Variants in THADA observed in about 807,000 individuals in gnomAD.
THADA encodes the protein tRNA (32-2'-O)-methyltransferase regulator THADA.
Under a neutral mutation model 219.8 loss-of-function variants are expected in THADA, and 213 were observed. The observed-to-expected ratio is 0.97, with a 90% CI of 0.87 to 1.09. THADA has a LOEUF of 1.09. Among genes scored for constraint, THADA ranks in the 50% least tolerant of loss-of-function variants. The probability of loss-of-function intolerance (pLI) is 0.00; values close to 1 mark genes in which losing one functional copy is unlikely to be tolerated. For missense variants in THADA, 2,956 were observed against 2,311.3 expected (o/e 1.28, Z -5.72); for synonymous variants, 1,018 against 828.9 (o/e 1.23, Z -3.92).
At chr2:43,251,098 A>C (rs1022656487) in intron 36 of THADA, among the ~76,000 whole-genome samples, 1 of 152,200 alleles carries the variant, frequency 6.6e-6, no homozygotes, top group Non-Finnish European at 1.5e-5. Context: ...CACAGCCACC[A>C]AGAAGGGAAC....
chr2:43,384,720 C>G (rs904257003), intron 29 of THADA, among the ~76,000 whole-genome samples: 1 of 152,178 alleles, frequency 6.6e-6, no homozygotes, highest in Non-Finnish European at 1.5e-5. Flanking sequence ...AATCCCAGCA[C>G]TTTGGGAGGC....
chr2:43,406,534 A>T (rs1313103443), intron 28 of THADA, among the ~76,000 whole-genome samples: 1 of 152,232 alleles, frequency 6.6e-6, no homozygotes, highest in Non-Finnish European at 1.5e-5. Context: ...GCTGAGAAGA[A>T]GATTCTCCTC....
At chr2:43,460,139 T>C (rs1189962653) in intron 26 of THADA, among the ~76,000 whole-genome samples, 1 of 149,354 alleles carries the variant, frequency 6.7e-6, no homozygotes, top group Non-Finnish European at 1.5e-5. Flanking sequence ...ACCTGAGTTA[T>C]CATCTGCTGA....
intron 31 of THADA, among the ~76,000 whole-genome samples, chr2:43,296,917 G>A (rs1260135588): frequency 1.3e-5 from 2 of 150,394 alleles, no homozygotes; most frequent in East Asian, 3.9e-4. Flanking sequence ...CGCCTGCCTT[G>A]GCCTCCCAAA....
chr2:43,401,052 G>A lies in THADA; in HGVS notation c.4059-2913C>T, dbSNP rs548975535. ...ATAAAACAAATACACTTAAGGTCTC[G>A]AAGGTCATTTCTACTTTTAACATTC... On this transcript the variant is annotated intron_variant, in intron 28 of 37. Coordinates refer to ENST00000405975, the MANE Select transcript of THADA (RefSeq NM_022065.5). Among the ~76,000 whole-genome samples the A allele has an allele frequency of 9.9e-5, 15 of 152,180 alleles. No individual in the cohort carries two copies. In the South Asian group the frequency reaches 1.7e-3, roughly 17 times the overall value.
chr2:43,490,602 T>C (rs1269175303), intron 25 of THADA, among the ~76,000 whole-genome samples: 1 of 152,220 alleles, frequency 6.6e-6, no homozygotes, highest in Non-Finnish European at 1.5e-5. Context: ...ATTCACACAG[T>C]ATATTACATT....
At chr2:43,255,522 G>A (rs1346311210) in intron 36 of THADA, among the ~76,000 whole-genome samples, 1 of 151,652 alleles carries the variant, frequency 6.6e-6, no homozygotes, top group East Asian at 1.9e-4. Context: ...TGAAGGTGAA[G>A]GATTAAACAG....
chr2:43,585,805 C>T (rs182070063), intron 7 of THADA, among the ~76,000 whole-genome samples: 9 of 152,128 alleles, frequency 5.9e-5, no homozygotes, highest in African/African-American at 2.2e-4. Context: ...AAAAGGAACA[C>T]ACTCAGGTGA....
intron 29 of THADA, among the ~76,000 whole-genome samples, chr2:43,388,839 C>T (rs1673007196): frequency 1.3e-5 from 2 of 152,150 alleles, no homozygotes; most frequent in Non-Finnish European, 2.9e-5. Flanking sequence ...AGTATTATTT[C>T]AATGTACAAC....
At position 43,530,619 on chromosome 2, in the gene THADA, A is replaced by C. The variant is rs1693743342; in HGVS notation, c.3265-2631T>G. Reference sequence around the variant, plus strand: ...TAACTTCCTTAATTTTTTTCCCAAAATGTTGCAGATATTAAAACATACTTC... The same window carrying C: ...TAACTTCCTTAATTTTTTTCCCAAACTGTTGCAGATATTAAAACATACTTC... On this transcript the variant is annotated intron_variant, in intron 21 of 37. Transcript: ENST00000405975. 2.6e-5 allele frequency among the ~76,000 whole-genome samples: 4 copies of C among 152,272 alleles called. No homozygotes were observed. The South Asian group carries it at 8.3e-4, about 32-fold the overall frequency.
At chr2:43,498,715 A>G (rs1688571844) in intron 25 of THADA, 118 bp downstream of exon 25, 3 of 1,150,306 alleles carry the variant, frequency 2.6e-6, no homozygotes, top group Middle Eastern at 2.1e-4. Flanking sequence ...AAAGATTTCT[A>G]AGAAAATTCA....
At chr2:43,337,688 C>T (rs1016621531) in intron 30 of THADA, among the ~76,000 whole-genome samples, 21 of 146,204 alleles carry the variant, frequency 1.4e-4, no homozygotes, top group African/African-American at 4.9e-4. Flanking sequence ...CAATCACACA[C>T]ACTCATACAC....
chr2:43,531,250 T>A (rs1693824166), intron 21 of THADA, among the ~76,000 whole-genome samples: 1 of 152,234 alleles, frequency 6.6e-6, no homozygotes, highest in Admixed American at 6.5e-5. Context: ...TTGAACAGGC[T>A]ATTACAGTAC....
At chr2:43,459,711 CTACTGTGTACA>C (rs1683406405) in intron 26 of THADA, among the ~76,000 whole-genome samples, 1 of 152,176 alleles carries the variant, frequency 6.6e-6, no homozygotes, top group Non-Finnish European at 1.5e-5. Context: ...GAGGGACTGA[CTACTGTGTACA>C]TAGGTCCATA....
intron 26 of THADA, among the ~76,000 whole-genome samples, chr2:43,459,495 AC>A (rs970218866): frequency 3.3e-5 from 5 of 152,194 alleles, no homozygotes; most frequent in African/African-American, 1.2e-4. Context: ...TGAGGCAAAT[AC>A]CCACCCTCCA....
chr2:43,439,515 T>C (rs1282505469), intron 26 of THADA, among the ~76,000 whole-genome samples: 9 of 152,216 alleles, frequency 5.9e-5, no homozygotes, highest in African/African-American at 2.2e-4. Flanking sequence ...AGCCAACTCT[T>C]ATCAGATCAA....
intron 29 of THADA, among the ~76,000 whole-genome samples, chr2:43,392,802 G>A (rs556848758): frequency 3.9e-5 from 6 of 152,186 alleles, no homozygotes; most frequent in Admixed American, 2.6e-4. Context: ...CCTGGTCCCC[G>A]AGGGCTCACT....
rs112680104 is a variant in THADA at position 43,331,819 on chromosome 2, C to G, written c.4344-11279G>C. Among the ~76,000 whole-genome samples the G allele has an allele frequency of 3.4e-4, 52 of 152,002 alleles. 1 individual carries two copies. The highest frequency in any genetic ancestry group is 1.2e-3 in the African/African-American group (51 of 41,444). On this transcript the variant is annotated intron_variant, in intron 30 of 37. Coordinates refer to ENST00000405975, the MANE Select transcript of THADA (RefSeq NM_022065.5). The stretch of plus-strand genomic sequence containing the variant: ...CCACATTCTTTTCTGAACTCTTGTA[C>G]TTACTGTATGTACTTCTATGTATTT...
rs565427559 is a variant in THADA, at chr2:43,286,461, C to T, written c.5164+447G>A. On this transcript the variant is annotated intron_variant, in intron 35 of 37. Coordinates refer to ENST00000405975, the MANE Select transcript of THADA (RefSeq NM_022065.5). ...GGCTGGTTAAGAGTGTGTTGGTGGT[C>T]TGGGAGTGGTGGCTCACACCTGTAA... Among the ~76,000 whole-genome samples, 16 of 152,232 alleles carry T rather than the reference C, an allele frequency of 1.1e-4. No individual in the cohort carries two copies. In the South Asian group the frequency reaches 3.1e-3, roughly 30 times the overall value.
Sources: gnomAD v4.1 joint callset for allele counts (sites outside exome capture counted in the v4.1 genomes callset) on GRCh38, gnomAD v4.1.1 for gene constraint, MANE v1.5 for transcripts, NCBI Gene and HGNC (gene_info 2026-07-23, HGNC 2026-07-21) for gene names.